PHC3: variants seen among roughly 807,000 people sequenced by gnomAD.
PHC3 encodes the protein polyhomeotic homolog 3, also known as polyhomeotic-like protein 3.
PHC3 carries 13 observed loss-of-function variants against 107.4 expected under a neutral mutation model. The ratio of observed to expected loss-of-function variants is 0.12; its 90% confidence interval spans 0.08 to 0.19. PHC3 has a LOEUF of 0.19. Ranked by LOEUF, PHC3 falls within the 10% of genes least tolerant of loss-of-function variation. The pLI is 1.00. For missense variants in PHC3, 992 were observed against 1,210.9 expected, an observed-to-expected ratio of 0.82 and a Z score of 2.68; for synonymous variants, 456 against 427.4, an observed-to-expected ratio of 1.07 and a Z score of -0.83.
At chr3:170,167,739 G>A (rs1458260959) in intron 4 of PHC3, among the ~76,000 whole-genome samples, 2 of 141,684 alleles carry the variant, frequency 1.4e-5, no homozygotes, top group African/African-American at 2.6e-5. Context: ...CAGCCTGGGC[G>A]ACAGAGCAAG....
Position 170,153,758 on chromosome 3 carries a change from G to A in PHC3, c.415-4514C>T, listed in dbSNP as rs1310408879. On this transcript the variant is annotated intron_variant, in intron 4 of 14. Coordinates refer to ENST00000495893, the MANE Select transcript of PHC3 (RefSeq NM_024947.4). Reference sequence around the variant, plus strand: ...AGCCTGGGTGACAGAGAGAGACTCCGTCTCAAAAAAAAAAAAAAAAGAATC... The same window carrying A: ...AGCCTGGGTGACAGAGAGAGACTCCATCTCAAAAAAAAAAAAAAAAGAATC... 9.8e-5 allele frequency among the ~76,000 whole-genome samples: 13 copies of A among 132,154 alleles called. No individual in the cohort carries two copies. The South Asian group carries it at 1.8e-3, about 18-fold the overall frequency. 86.7% of individuals were successfully genotyped at this position (132,154 alleles called of 152,430 possible). A position where few individuals can be genotyped will look rare whatever the true frequency, so the allele number is the denominator to read the frequency against.
At chr3:170,152,097 A>T (rs537919919) in intron 4 of PHC3, among the ~76,000 whole-genome samples, 1 of 152,164 alleles carries the variant, frequency 6.6e-6, no homozygotes, top group South Asian at 2.1e-4. Flanking sequence ...TATAATAGTT[A>T]AATGTATAAA....
At chr3:170,133,236 T>C (rs1722543160) in intron 7 of PHC3, among the ~76,000 whole-genome samples, 1 of 151,570 alleles carries the variant, frequency 6.6e-6, no homozygotes, top group East Asian at 1.9e-4. Context: ...AGGAGTGCAG[T>C]GGTGTGATCT....
chr3:170,171,695 C>T (rs184377297), intron 3 of PHC3, among the ~76,000 whole-genome samples: 2 of 152,282 alleles, frequency 1.3e-5, no homozygotes, highest in Non-Finnish European at 2.9e-5. Context: ...GTCAGTTTCA[C>T]TTTATGGGTC....
intron 11 of PHC3, among the ~76,000 whole-genome samples, chr3:170,109,627 T>C (rs1446283927): frequency 6.6e-6 from 1 of 152,146 alleles, no homozygotes; most frequent in Admixed American, 6.6e-5. Flanking sequence ...AGTTATTTTT[T>C]ATTTCCCCCA....
intron 8 of PHC3, among the ~76,000 whole-genome samples, chr3:170,126,528 A>ATATATATATATATATATATATATATAT (rs370421296): frequency 5.5e-5 from 5 of 90,614 alleles, no homozygotes; most frequent in African/African-American, 2.2e-4. Flanking sequence ...ATATATATAT[A>ATATATATATATATATATATATATATAT]TTTTTTTTTT....
intron 9 of PHC3, among the ~76,000 whole-genome samples, chr3:170,121,757 A>G (rs942962005): frequency 6.6e-6 from 1 of 152,190 alleles, no homozygotes; most frequent in Non-Finnish European, 1.5e-5. Context: ...ATGCTTCATG[A>G]TTTTTGGAAA....
rs111987298 is a variant in PHC3, at chr3:170,112,761, T to A, written c.2353+599A>T. Among the ~76,000 whole-genome samples the A allele has an allele frequency of 5.0e-3, 754 of 152,318 alleles. 4 individuals are homozygous for A. The highest frequency in any genetic ancestry group is 8.6e-3 in the Non-Finnish European group (585 of 68,020). On this transcript the variant is annotated intron_variant, in intron 11 of 14. Transcript: ENST00000495893. ...CTGGTCTCAAACTCCTAACCTCAAG[T>A]GATCTGCCTGCCTCGGCCTCCCGAA...
intron 8 of PHC3, among the ~76,000 whole-genome samples, chr3:170,124,910 A>G (rs1451245143): frequency 1.3e-5 from 2 of 152,134 alleles, no homozygotes; most frequent in African/African-American, 4.8e-5. Context: ...GACAATCAAA[A>G]ATAAAATAAA....
At chr3:170,130,193 C>T (rs1577084997) in intron 7 of PHC3, among the ~76,000 whole-genome samples, 2 of 152,132 alleles carry the variant, frequency 1.3e-5, no homozygotes, top group East Asian at 3.8e-4. Flanking sequence ...TGAATTTCTT[C>T]TTTGCAGGAA....
chr3:170,117,443 C>A lies in PHC3; in HGVS notation c.1976G>T (p.Ser659Ile). ...QVELPAVASV[S>I]ASVIKSPSDP... ...TGATGGAGATTTAATTACTGAAGCA[C>A]TGACTGATGCCACAGCAGGTAATTC... Residue 659 changes from serine (S) to isoleucine (I), a missense_variant, in exon 10 of 15, where the codon AGT becomes ATT. This residue lies in a region of PHC3 where 543 missense variants were observed against 590.8 expected (regional missense o/e 0.92). Coordinates refer to ENST00000495893, the MANE Select transcript of PHC3 (RefSeq NM_024947.4). 1.2e-6 allele frequency: 2 copies of A among 1,613,516 alleles called. No homozygotes were observed. The highest frequency in any genetic ancestry group is 1.7e-6 in the Non-Finnish European group (2 of 1,179,666).
Position 170,129,282 on chromosome 3 carries a change from G to C in PHC3, c.1190C>G (p.Ser397Cys), listed in dbSNP as rs1721866735. 2 of 1,613,870 alleles carry C rather than the reference G, an allele frequency of 1.2e-6. No homozygotes were observed. The highest frequency in any genetic ancestry group is 1.7e-5 in the Admixed American group (1 of 60,004). The change falls in exon 8 of 15, where the codon TCT becomes TGT. Residue 397 changes from serine (S) to cysteine (C), a missense_variant. Ser to Cys is a moderately radical substitution (Grantham distance 112, BLOSUM62 -1). Transcript: ENST00000495893. ...IQSHPSPLTV[S>C]PNQSQSAQQS... ...CTGTGCTGACTGTGACTGATTAGGA[G>C]ACACTGTTAAAGGAGAGGGATGACT...
Position 170,117,287 on chromosome 3 carries a change from G to T in PHC3, c.2132C>A (p.Pro711Gln). 1.2e-6 allele frequency: 2 copies of T among 1,613,944 alleles called. No individual in the cohort carries two copies. Among genetic ancestry groups the T allele is most frequent in the Non-Finnish European group, 1.7e-6 (2 of 1,179,854 alleles). The change falls in exon 10 of 15, where the codon CCA becomes CAA. Residue 711 changes from proline (P) to glutamine (Q), a missense_variant. By Grantham distance (76) the Pro-to-Gln change is moderately conservative. This residue lies in a region of PHC3 where 543 missense variants were observed against 590.8 expected (regional missense o/e 0.92). Transcript: ENST00000495893. ...TTCAATAACATGGGTTAGGATCTGT[G>T]GTTTAACAATAGCCTGTGGAGGTTT... ...ENKPPQAIVK[P>Q]QILTHVIEGF...
intron 2 of PHC3, among the ~76,000 whole-genome samples, chr3:170,173,651 T>C: frequency 6.6e-6 from 1 of 152,228 alleles, no homozygotes; most frequent in East Asian, 1.9e-4. Flanking sequence ...AAGTAACTAC[T>C]GGCCACTATA....
chr3:170,148,965 C>T, intron 5 of PHC3, 121 bp downstream of exon 5: 3 of 931,798 alleles, frequency 3.2e-6, no homozygotes, highest in Non-Finnish European at 4.7e-6. Context: ...CGCCCGCATG[C>T]ACACACACAC....
At chr3:170,123,655 T>C (rs1023182786) in intron 8 of PHC3, among the ~76,000 whole-genome samples, 1 of 151,508 alleles carries the variant, frequency 6.6e-6, no homozygotes, top group Admixed American at 6.6e-5. Flanking sequence ...TAGCCAGGCA[T>C]GGTGGCGGGC....
At chr3:170,140,133 T>C (rs1301660279) in intron 6 of PHC3, among the ~76,000 whole-genome samples, 2 of 151,316 alleles carry the variant, frequency 1.3e-5, no homozygotes, top group African/African-American at 4.9e-5. Context: ...GCTGAGTTTT[T>C]AGCTTTTAAA....
At chr3:170,100,091 T>C (rs1715235955) in intron 14 of PHC3, among the ~76,000 whole-genome samples, 2 of 152,138 alleles carry the variant, frequency 1.3e-5, no homozygotes, top group Admixed American at 6.6e-5. Context: ...AGCTCTAACA[T>C]AGTCTGAACA....
chr3:170,167,407 T>C (rs760238221), intron 4 of PHC3, among the ~76,000 whole-genome samples: 17 of 152,238 alleles, frequency 1.1e-4, no homozygotes, highest in Non-Finnish European at 1.2e-4. Flanking sequence ...TGAGCCAACA[T>C]GCCCAGCCTT....
Sources: allele counts gnomAD v4.1 joint callset (sites outside exome capture counted in the v4.1 genomes callset), GRCh38; gene constraint gnomAD v4.1.1; regional missense constraint gnomAD v4.1.1; transcripts MANE v1.5; gene names NCBI Gene and HGNC (gene_info 2026-07-23, HGNC 2026-07-21).